Variants in CCDC149 observed in about 807,000 individuals in gnomAD.
The protein encoded by CCDC149 is coiled-coil domain-containing protein 149.
A neutral mutation model predicts 59.9 loss-of-function variants in CCDC149; 45 were observed. The observed-to-expected ratio is 0.75, with a 90% CI of 0.59 to 0.96. The LOEUF is 0.96. Ranked by LOEUF, CCDC149 falls within the 40% of genes least tolerant of loss-of-function variation. The pLI is 0.00. For synonymous variants in CCDC149, 245 were observed against 260.6 expected, an observed-to-expected ratio of 0.94 and a Z score of 0.58; for missense variants, 584 against 664.7, an observed-to-expected ratio of 0.88 and a Z score of 1.33.
At chr4:24,872,357 A>G (rs1444347275) in intron 3 of CCDC149, among the ~76,000 whole-genome samples, 1 of 152,374 alleles carries the variant, frequency 6.6e-6, no homozygotes, top group East Asian at 1.9e-4. Flanking sequence ...AACAGTATGC[A>G]CCCACAGAAT....
intron 4 of CCDC149, among the ~76,000 whole-genome samples, chr4:24,848,177 G>C (rs11727912): frequency 0.41 from 62,719 of 151,896 alleles, 14,579 homozygotes; most frequent in Non-Finnish European, 0.52. Context: ...GGTCCATGCT[G>C]TCTACGCTAC....
At chr4:24,897,784 C>T (rs1660960871) in intron 1 of CCDC149, among the ~76,000 whole-genome samples, 2 of 152,244 alleles carry the variant, frequency 1.3e-5, no homozygotes, top group South Asian at 4.1e-4. Context: ...CAATAAGAGG[C>T]GTACGAAGTC....
intron 4 of CCDC149, among the ~76,000 whole-genome samples, chr4:24,840,477 G>A (rs923552492): frequency 6.6e-6 from 1 of 152,168 alleles, no homozygotes; most frequent in African/African-American, 2.4e-5. Flanking sequence ...CATGCAGAGA[G>A]TGGCAAAAAA....
chr4:24,959,879 A>C (rs1162395585), intron 1 of CCDC149, among the ~76,000 whole-genome samples: 1 of 152,244 alleles, frequency 6.6e-6, no homozygotes, highest in Non-Finnish European at 1.5e-5. Flanking sequence ...ATTCACCACC[A>C]GTAGACCTGC....
chr4:24,888,078 T>C (rs971813909), intron 1 of CCDC149, among the ~76,000 whole-genome samples: 2 of 152,112 alleles, frequency 1.3e-5, no homozygotes, highest in Non-Finnish European at 2.9e-5. Context: ...TGGGTACACT[T>C]AGAGTAGCAC....
chr4:24,935,869 C>T (rs1354548318), intron 1 of CCDC149, among the ~76,000 whole-genome samples: 5 of 152,032 alleles, frequency 3.3e-5, no homozygotes, highest in African/African-American at 4.8e-5. Context: ...TATTTAAAAC[C>T]ATGAAACTGA....
chr4:24,830,252 G>A (rs1460586511), intron 9 of CCDC149: 2 of 152,338 alleles, frequency 1.3e-5, no homozygotes, highest in East Asian at 1.9e-4. Flanking sequence ...TGTAGAGAGG[G>A]AAGGACGAAG....
intron 4 of CCDC149, among the ~76,000 whole-genome samples, chr4:24,842,143 T>C (rs1004553298): frequency 1.3e-5 from 2 of 152,244 alleles, no homozygotes; most frequent in African/African-American, 4.8e-5. Context: ...GCCTCTTACA[T>C]GCTGACTTCA....
chr4:24,892,164 A>C (rs1720564688), intron 1 of CCDC149, among the ~76,000 whole-genome samples: 2 of 152,222 alleles, frequency 1.3e-5, no homozygotes, highest in Admixed American at 1.3e-4. Context: ...GATACTCCCA[A>C]GTAAGACCCG....
chr4:24,895,132 C>T, intron 1 of CCDC149: 1 of 893,334 alleles, frequency 1.1e-6, no homozygotes, highest in South Asian at 1.4e-5. Flanking sequence ...GGAATAAGAA[C>T]ACGTTATAAA....
At chr4:24,845,463 A>G (rs1316356142) in intron 4 of CCDC149, among the ~76,000 whole-genome samples, 1 of 152,242 alleles carries the variant, frequency 6.6e-6, no homozygotes, top group Non-Finnish European at 1.5e-5. Context: ...TTCATCAAAT[A>G]TAAGACTCCA....
In CCDC149 at chr4:24,806,131, C is replaced by T. The variant is rs1714147856; in HGVS notation, c.*2258G>A. 1 of 152,042 alleles carries T rather than the reference C, an allele frequency of 6.6e-6. No individual in the cohort carries two copies. 9.4% of individuals were successfully genotyped at this position (152,042 alleles called of 1,614,324 possible). A position where few individuals can be genotyped will look rare whatever the true frequency, so the allele number is the denominator to read the frequency against. ...ACAGCTGTAAGTAATTGCAGAAAGC[C>T]CCTTTAATGTCTGTGGAACAGAAGA... On this transcript the variant is annotated 3_prime_UTR_variant, in exon 13 of 13. Transcript: ENST00000635206.
rs1174218506 is a variant in CCDC149, at chr4:24,933,500, T to G, written c.-64-38382A>C. Among the ~76,000 whole-genome samples, 5 of 152,232 alleles carry G rather than the reference T, an allele frequency of 3.3e-5. No individual in the cohort carries two copies. In the South Asian group the frequency reaches 1.0e-3, roughly 31 times the overall value. ...GTCTATGAAGATGAGTATAATTTTT[T>G]GTGGAAAGTTAAGGCTTATGTTAGG... On this transcript the variant is annotated intron_variant, in intron 1 of 12. Transcript: ENST00000389609.
intron 12 of CCDC149, among the ~76,000 whole-genome samples, chr4:24,810,947 T>A (rs922096572): frequency 1.3e-5 from 2 of 152,236 alleles, no homozygotes; most frequent in African/African-American, 4.8e-5. Flanking sequence ...ACATTGTTCT[T>A]AGATACTCAC....
intron 4 of CCDC149, among the ~76,000 whole-genome samples, chr4:24,851,090 C>A (rs1717626268): frequency 6.6e-6 from 1 of 152,068 alleles, no homozygotes; most frequent in South Asian, 2.1e-4. Context: ...TCACTAAATT[C>A]TAAACCTAAG....
intron 1 of CCDC149, among the ~76,000 whole-genome samples, chr4:24,888,492 T>C (rs754151693): frequency 1.2e-4 from 18 of 152,150 alleles, no homozygotes; most frequent in Non-Finnish European, 2.5e-4. Context: ...AAAGGACCAC[T>C]TCCCTGCCAT....
At chr4:24,871,657 G>A (rs1410125980) in intron 3 of CCDC149, among the ~76,000 whole-genome samples, 1 of 152,150 alleles carries the variant, frequency 6.6e-6, no homozygotes, top group Non-Finnish European at 1.5e-5. Context: ...AAGAGAGAGT[G>A]ACTCAGTGGT....
At chr4:24,943,387 C>T (rs868623891) in intron 1 of CCDC149, among the ~76,000 whole-genome samples, 83 of 151,512 alleles carry the variant, frequency 5.5e-4, no homozygotes, top group South Asian at 2.1e-3. Flanking sequence ...AACTGGATCC[C>T]TTCCTTATAC....
chr4:24,869,739 G>T (rs150895216), intron 3 of CCDC149, among the ~76,000 whole-genome samples: 5 of 152,220 alleles, frequency 3.3e-5, no homozygotes, highest in Non-Finnish European at 5.9e-5. Context: ...GATCCTGACA[G>T]CTACACTATG....
Sources: gnomAD v4.1 joint callset for allele counts (sites outside exome capture counted in the v4.1 genomes callset) on GRCh38, gnomAD v4.1.1 for gene constraint, MANE v1.5 for transcripts, NCBI Gene and HGNC (gene_info 2026-07-23, HGNC 2026-07-21) for gene names.